PRKCI: variants seen among roughly 807,000 people sequenced by gnomAD.
PRKCI encodes the protein protein kinase C iota type.
A neutral mutation model predicts 84.0 loss-of-function variants in PRKCI; 43 were observed. That is an observed-to-expected ratio of 0.51 (90% CI 0.40 to 0.66). The LOEUF is 0.66. PRKCI is among the 30% of genes least tolerant of loss of function. The pLI is 0.00. For missense variants in PRKCI, 459 were observed against 745.6 expected (o/e 0.62, Z 4.48); for synonymous variants, 216 against 234.4 (o/e 0.92, Z 0.72).
At position 170,257,190 on chromosome 3, in the gene PRKCI, C is replaced by T. The variant is rs532873513; in HGVS notation, c.224-2779C>T. Among the ~76,000 whole-genome samples the T allele has an allele frequency of 3.9e-5, 6 of 152,160 alleles. No homozygotes were observed. The South Asian group carries it at 1.0e-3, about 26-fold the overall frequency. On this transcript the variant is annotated intron_variant, in intron 2 of 17. Transcript: ENST00000295797. Reference sequence around the variant, plus strand: ...CATTTTGAAATATGTTTCAAATTTTCCAGATTAAACAGTTAAAAAGAACAG... The same window carrying T: ...CATTTTGAAATATGTTTCAAATTTTTCAGATTAAACAGTTAAAAAGAACAG...
At chr3:170,228,871 A>C (rs900509107) in intron 1 of PRKCI, among the ~76,000 whole-genome samples, 8 of 149,764 alleles carry the variant, frequency 5.3e-5, no homozygotes, top group Non-Finnish European at 1.2e-4. Context: ...TTCAACCCTC[A>C]CCCCCCTCCC....
At chr3:170,263,839 G>T (rs925005996) in intron 4 of PRKCI, among the ~76,000 whole-genome samples, 7 of 151,992 alleles carry the variant, frequency 4.6e-5, no homozygotes, top group Non-Finnish European at 7.4e-5. Context: ...TAATTCATTT[G>T]ATTTCTTTTC....
chr3:170,228,237 A>C (rs1251865750), intron 1 of PRKCI, among the ~76,000 whole-genome samples: 1 of 152,218 alleles, frequency 6.6e-6, no homozygotes, highest in Non-Finnish European at 1.5e-5. Context: ...AATAGAAACA[A>C]AAATGACACC....
At chr3:170,248,468 G>A (rs981719059) in intron 2 of PRKCI, among the ~76,000 whole-genome samples, 7 of 152,114 alleles carry the variant, frequency 4.6e-5, no homozygotes, top group Non-Finnish European at 8.8e-5. Flanking sequence ...TCCTGCTCTA[G>A]GATGTGAATT....
chr3:170,225,643 A>G (rs1444634447), intron 1 of PRKCI, among the ~76,000 whole-genome samples: 3 of 151,596 alleles, frequency 2.0e-5, no homozygotes, highest in Non-Finnish European at 2.9e-5. Context: ...CCTGGGCTCA[A>G]GTGATCCTCC....
At chr3:170,231,261 T>A (rs551607138) in intron 1 of PRKCI, among the ~76,000 whole-genome samples, 1 of 152,100 alleles carries the variant, frequency 6.6e-6, no homozygotes, top group East Asian at 1.9e-4. Context: ...GTGCCCGGCC[T>A]ATTCCTATAT....
intron 11 of PRKCI, among the ~76,000 whole-genome samples, chr3:170,282,677 A>G (rs1577368443): frequency 6.6e-6 from 1 of 150,782 alleles, no homozygotes; most frequent in South Asian, 2.1e-4. Flanking sequence ...AGCCTGGCCA[A>G]CAGAGCAAGA....
At chr3:170,260,482 G>A (rs1733697293) in intron 3 of PRKCI, among the ~76,000 whole-genome samples, 2 of 151,944 alleles carry the variant, frequency 1.3e-5, no homozygotes, top group African/African-American at 4.8e-5. Context: ...CTTTATTTTT[G>A]AGACAGTCTC....
chr3:170,259,468 T>C (rs1381896353), intron 2 of PRKCI, among the ~76,000 whole-genome samples: 1 of 152,166 alleles, frequency 6.6e-6, no homozygotes, highest in Admixed American at 6.5e-5. Flanking sequence ...ATGGAAGTTA[T>C]ATGTTACCTA....
intron 11 of PRKCI, 112 bp from the exon 12 acceptor site, chr3:170,284,349 A>G: frequency 1.0e-6 from 1 of 962,292 alleles, no homozygotes; most frequent in Non-Finnish European, 1.5e-6. Flanking sequence ...ATTTGTTCCT[A>G]AAATCACTGG....
At chr3:170,301,073 C>T (rs1734807481) in intron 17 of PRKCI, among the ~76,000 whole-genome samples, 2 of 152,090 alleles carry the variant, frequency 1.3e-5, no homozygotes, top group South Asian at 4.1e-4. Context: ...GGTTATTGAG[C>T]AAAAGGTGTT....
chr3:170,225,409 G>T (rs1732602632), intron 1 of PRKCI, among the ~76,000 whole-genome samples: 1 of 152,126 alleles, frequency 6.6e-6, no homozygotes, highest in Non-Finnish European at 1.5e-5. Context: ...TAATAAACAG[G>T]TTGGCTAACT....
At position 170,270,460 on chromosome 3, in the gene PRKCI, C is replaced by T. The variant is rs1289447991; in HGVS notation, c.490C>T (p.Leu164Phe). 1 of 1,613,428 alleles carries T rather than the reference C, an allele frequency of 6.2e-7. No homozygotes were observed. The highest frequency in any genetic ancestry group is 8.5e-7 in the Non-Finnish European group (1 of 1,179,850). ...CAICTDRIWG[L>F]GRQGYKCINC... is the part of the protein sequence containing the mutation. The stretch of plus-strand genomic sequence containing the variant: ...CATCTGCACAGACCGAATATGGGGA[C>T]TTGGACGCCAAGGATATAAGTGCAT... The change falls in exon 6 of 18, where the codon CTT becomes TTT. Residue 164 changes from leucine (L) to phenylalanine (F), a missense_variant. By Grantham distance (22) the Leu-to-Phe change is conservative (BLOSUM62 0). Coordinates refer to ENST00000295797, the MANE Select transcript of PRKCI (RefSeq NM_002740.6).
chr3:170,274,702 C>T (rs970229710), intron 7 of PRKCI, among the ~76,000 whole-genome samples: 1 of 151,898 alleles, frequency 6.6e-6, no homozygotes, highest in African/African-American at 2.4e-5. Flanking sequence ...ATGATCAACT[C>T]TATGAAATGC....
intron 2 of PRKCI, among the ~76,000 whole-genome samples, chr3:170,246,421 G>A (rs1431809969): frequency 6.6e-6 from 1 of 152,072 alleles, no homozygotes; most frequent in Non-Finnish European, 1.5e-5. Context: ...CTAAAGTGCT[G>A]GGATTAGAGG....
chr3:170,246,192 G>A (rs1244554378), intron 2 of PRKCI, among the ~76,000 whole-genome samples: 4 of 151,420 alleles, frequency 2.6e-5, no homozygotes, highest in East Asian at 1.9e-4. Flanking sequence ...CGCTCTTGCC[G>A]CCCAGGCTGG....
At chr3:170,284,029 T>C (rs1171599634) in intron 11 of PRKCI, among the ~76,000 whole-genome samples, 1 of 152,244 alleles carries the variant, frequency 6.6e-6, no homozygotes, top group East Asian at 1.9e-4. Context: ...CAGCTTGTAG[T>C]ATTCTTTCTA....
intron 11 of PRKCI, among the ~76,000 whole-genome samples, chr3:170,283,164 C>T (rs1285921439): frequency 3.3e-5 from 5 of 150,616 alleles, no homozygotes; most frequent in Admixed American, 2.6e-4. Context: ...TATTAATATA[C>T]AAGACTGTAA....
rs1352359943 is a variant in PRKCI at position 170,291,006 on chromosome 3, C to T, written c.1204-848C>T. On this transcript the variant is annotated intron_variant, in intron 12 of 17. Coordinates refer to ENST00000295797, the MANE Select transcript of PRKCI (RefSeq NM_002740.6). The stretch of plus-strand genomic sequence containing the variant: ...ACAAAATTAGTTGGGTGTGGTGGCA[C>T]ACGCCTATAATCTCAGCTACTCTGG... Among the ~76,000 whole-genome samples the T allele has an allele frequency of 3.3e-5, 5 of 152,146 alleles. No homozygotes were observed. The South Asian group carries it at 6.2e-4, about 19-fold the overall frequency.
Sources: gnomAD v4.1 joint callset for allele counts (sites outside exome capture counted in the v4.1 genomes callset) on GRCh38, gnomAD v4.1.1 for gene constraint, MANE v1.5 for transcripts, NCBI Gene and HGNC (gene_info 2026-07-23, HGNC 2026-07-21) for gene names.